The following STXBP5L variants were observed in gnomAD, a reference collection of about 807,000 sequenced individuals.
STXBP5L encodes syntaxin-binding protein 5-like.
A neutral mutation model predicts 144.5 loss-of-function variants in STXBP5L; 65 were observed. The observed-to-expected ratio is 0.45, with a 90% CI of 0.37 to 0.55. The LOEUF (loss-of-function observed/expected upper bound fraction) is 0.55, where lower values mean the gene tolerates loss of function less well. STXBP5L is among the 20% of genes least tolerant of loss of function. The pLI, the probability that STXBP5L is intolerant of heterozygous loss-of-function variation, is 0.00. For missense variants in STXBP5L, 1,298 were observed against 1,405.5 expected (o/e 0.92, Z 1.22); for synonymous variants, 505 against 469.6 (o/e 1.08, Z -0.97).
At position 121,381,276 on chromosome 3, in the gene STXBP5L, T is replaced by A. The variant is rs28529233; in HGVS notation, c.2348-17T>A. On this transcript the variant is annotated splice_polypyrimidine_tract_variant and intron_variant, in intron 21 of 26. Transcript: ENST00000471454. Reference sequence around the variant, plus strand: ...ATACTAACAATTTGTGTGGTTTTTTTTTATTTATTTCCATAGAAAACCGAG... The same window carrying A: ...ATACTAACAATTTGTGTGGTTTTTTATTATTTATTTCCATAGAAAACCGAG... 1 of 1,573,238 alleles carries A rather than the reference T, an allele frequency of 6.4e-7. No individual in the cohort carries two copies. Among genetic ancestry groups the A allele is most frequent in the Non-Finnish European group, 8.6e-7 (1 of 1,163,788 alleles).
At chr3:120,960,494 G>T (rs1177426398) in intron 3 of STXBP5L, among the ~76,000 whole-genome samples, 1 of 152,106 alleles carries the variant, frequency 6.6e-6, no homozygotes, top group Non-Finnish European at 1.5e-5. Context: ...TAATAGCAAA[G>T]ACTTGGAACC....
At chr3:121,009,727 G>A (rs985721804) in intron 3 of STXBP5L, among the ~76,000 whole-genome samples, 1 of 151,920 alleles carries the variant, frequency 6.6e-6, no homozygotes, top group African/African-American at 2.4e-5. Flanking sequence ...AATTCTGAAT[G>A]TACCACTTCT....
intron 14 of STXBP5L, among the ~76,000 whole-genome samples, chr3:121,248,673 G>C (rs2049935422): frequency 6.6e-6 from 1 of 152,018 alleles, no homozygotes; most frequent in Non-Finnish European, 1.5e-5. Context: ...TCAATTTTTG[G>C]TTTTGTCACA....
Position 120,961,274 on chromosome 3 carries a change from GTT to G in STXBP5L, c.287+6248_287+6249del, listed in dbSNP as rs529704108. Among the ~76,000 whole-genome samples, 913 of 126,368 alleles carry G rather than the reference GTT, an allele frequency of 7.2e-3. 7 individuals carry two copies. Among genetic ancestry groups the G allele is most frequent in the African/African-American group, 0.025 (870 of 34,774 alleles). The allele number at this position is 126,368 out of a possible 152,430, so 82.9% of individuals were successfully genotyped here. The stretch of plus-strand genomic sequence containing the variant: ...GCTATACTTTAGTCTTTCTTTTTTT[GTT>G]TTTTTTTTTTAATTATACTTTAAGT... On this transcript the variant is annotated intron_variant, in intron 3 of 26. Transcript: ENST00000471454.
At chr3:121,105,326 G>A (rs1041330226) in intron 5 of STXBP5L, among the ~76,000 whole-genome samples, 35 of 151,936 alleles carry the variant, frequency 2.3e-4, no homozygotes, top group African/African-American at 1.2e-4. Context: ...AACCTGGGAG[G>A]CAGAGGTTGC....
intron 9 of STXBP5L, among the ~76,000 whole-genome samples, chr3:121,192,464 A>T (rs989190122): frequency 6.6e-6 from 1 of 152,262 alleles, no homozygotes; most frequent in Non-Finnish European, 1.5e-5. Flanking sequence ...AGAATTGGAA[A>T]ACACTACTTT....
intron 22 of STXBP5L, among the ~76,000 whole-genome samples, chr3:121,396,874 T>A (rs1231517046): frequency 1.3e-5 from 2 of 152,212 alleles, no homozygotes; most frequent in Non-Finnish European, 2.9e-5. Flanking sequence ...TGTTTGCAAT[T>A]GGGTAAATAA....
chr3:120,943,052 G>A (rs1035558581), intron 2 of STXBP5L, among the ~76,000 whole-genome samples: 1 of 151,520 alleles, frequency 6.6e-6, no homozygotes, highest in Non-Finnish European at 1.5e-5. Context: ...AAATCTAACA[G>A]AAATATGTTT....
intron 19 of STXBP5L, among the ~76,000 whole-genome samples, chr3:121,289,068 A>G (rs2051328670): frequency 6.6e-6 from 1 of 152,148 alleles, no homozygotes; most frequent in South Asian, 2.1e-4. Flanking sequence ...AAACTCCCAC[A>G]ACATGCAGTT....
chr3:121,315,688 CTCTT>C (rs1242965353), intron 19 of STXBP5L, among the ~76,000 whole-genome samples: 1 of 151,506 alleles, frequency 6.6e-6, no homozygotes, highest in African/African-American at 2.4e-5. Flanking sequence ...GAATATGAAA[CTCTT>C]TATTGGATTA....
At chr3:121,153,844 T>C (rs1452598913) in intron 8 of STXBP5L, among the ~76,000 whole-genome samples, 1 of 151,948 alleles carries the variant, frequency 6.6e-6, no homozygotes, top group African/African-American at 2.4e-5. Flanking sequence ...TCTTGAATCA[T>C]AAGAAAAGAA....
In STXBP5L at chr3:121,254,915, A is replaced by C. The variant is rs1349726584; in HGVS notation, c.1462A>C (p.Lys488Gln). Residue 488 changes from lysine to glutamine, a missense_variant, in exon 16 of 27, where the codon AAG becomes CAG. By Grantham distance (53) the Lys-to-Gln change is moderately conservative. Coordinates refer to ENST00000471454, the MANE Select transcript of STXBP5L (RefSeq NM_001308330.2). ...TATAGTAACTCTGCAGATGCTGTAC[A>C]AGCTAAAAACTTCAAAAGTGTTTGA... ...ASAITLQMLY[K>Q]LKTSKVFEKQ... is the part of the protein sequence containing the mutation. The C allele has an allele frequency of 1.9e-6, 3 of 1,612,974 alleles. No homozygotes were observed. Among genetic ancestry groups the C allele is most frequent in the East Asian group, 4.5e-5 (2 of 44,756 alleles).
At chr3:121,086,406 C>A (rs1028081347) in intron 5 of STXBP5L, among the ~76,000 whole-genome samples, 10 of 152,140 alleles carry the variant, frequency 6.6e-5, no homozygotes, top group African/African-American at 2.4e-4. Context: ...ATTTCTATTG[C>A]CTCATGCGTT....
chr3:121,087,076 T>A (rs144592405), intron 5 of STXBP5L, among the ~76,000 whole-genome samples: 70 of 152,206 alleles, frequency 4.6e-4, no homozygotes, highest in African/African-American at 1.7e-3. Context: ...ATTTTAAAAT[T>A]GTTGAGGTTT....
chr3:121,203,082 C>A (rs1409253896), intron 9 of STXBP5L, among the ~76,000 whole-genome samples: 1 of 119,352 alleles, frequency 8.4e-6, no homozygotes. Flanking sequence ...TTTTTTTTTT[C>A]TGTGCTATTG....
At chr3:121,025,959 GTATAA>G (rs202044440) in intron 3 of STXBP5L, among the ~76,000 whole-genome samples, 17,458 of 143,054 alleles carry the variant, frequency 0.12, 1,085 homozygotes, top group Non-Finnish European at 0.14. Context: ...ATATCATAAT[GTATAA>G]TATATTAATG....
At chr3:121,243,943 C>T (rs1461158324) in intron 14 of STXBP5L, among the ~76,000 whole-genome samples, 1 of 152,046 alleles carries the variant, frequency 6.6e-6, no homozygotes, top group East Asian at 1.9e-4. Flanking sequence ...ACTCCAGGAA[C>T]AGCTTTCATA....
intron 3 of STXBP5L, among the ~76,000 whole-genome samples, chr3:120,997,895 C>T (rs1041490373): frequency 1.3e-5 from 2 of 152,116 alleles, no homozygotes; most frequent in Non-Finnish European, 2.9e-5. Flanking sequence ...AGATCAAATA[C>T]ACTTTATACC....
At chr3:121,024,292 T>C (rs1176049768) in intron 3 of STXBP5L, among the ~76,000 whole-genome samples, 1 of 152,148 alleles carries the variant, frequency 6.6e-6, no homozygotes, top group Non-Finnish European at 1.5e-5. Context: ...GCTATATGGA[T>C]CACAAATAAG....
Sources: allele counts gnomAD v4.1 joint callset (sites outside exome capture counted in the v4.1 genomes callset), GRCh38; gene constraint gnomAD v4.1.1; transcripts MANE v1.5; gene names NCBI Gene and HGNC (gene_info 2026-07-23, HGNC 2026-07-21).